Variants in COL4A2 observed in about 807,000 individuals in gnomAD.
COL4A2 encodes collagen alpha-2(IV) chain.
COL4A2 carries 99 observed loss-of-function variants against 200.2 expected under a neutral mutation model. The observed-to-expected ratio is 0.49, with a 90% confidence interval of 0.42 to 0.58. The LOEUF is 0.58. Ranked by LOEUF, COL4A2 falls within the 20% of genes least tolerant of loss-of-function variation. The probability of loss-of-function intolerance (pLI) is 0.00; values close to 1 mark genes in which losing one functional copy is unlikely to be tolerated. For synonymous variants in COL4A2, 897 were observed against 900.6 expected (o/e 1.00, Z 0.07); for missense variants, 1,950 against 2,314.1 (o/e 0.84, Z 3.23).
At chr13:110,425,144 C>T (rs555218383) in intron 6 of COL4A2, 147 bp downstream of exon 6, 132 of 903,122 alleles carry the variant, frequency 1.5e-4, no homozygotes, top group Non-Finnish European at 2.1e-4. Flanking sequence ...ATTCTCCCCG[C>T]GGAATTCAGT....
chr13:110,401,740 A>G (rs535354446), intron 4 of COL4A2, among the ~76,000 whole-genome samples: 1 of 152,328 alleles, frequency 6.6e-6, no homozygotes, highest in Admixed American at 6.5e-5. Context: ...TAACAAAAAT[A>G]CCTTAGGCTG....
intron 30 of COL4A2, among the ~76,000 whole-genome samples, chr13:110,479,073 C>T (rs149382284): frequency 2.6e-5 from 4 of 152,340 alleles, no homozygotes; most frequent in Non-Finnish European, 5.9e-5. Context: ...CCCCTATTGC[C>T]GCACTAGCCA....
At chr13:110,338,846 G>A (rs569332112) in intron 3 of COL4A2, among the ~76,000 whole-genome samples, 1 of 152,374 alleles carries the variant, frequency 6.6e-6, no homozygotes, top group African/African-American at 2.4e-5. Context: ...TGAGCCGGGA[G>A]GTCACAACGC....
intron 20 of COL4A2, among the ~76,000 whole-genome samples, chr13:110,455,361 C>G (rs1485023235): frequency 1.3e-5 from 2 of 152,164 alleles, no homozygotes; most frequent in African/African-American, 2.4e-5. Flanking sequence ...CCCTCCCGCT[C>G]CCCACTTCAG....
intron 4 of COL4A2, among the ~76,000 whole-genome samples, chr13:110,397,915 A>G (rs1205537583): frequency 6.6e-6 from 1 of 152,232 alleles, no homozygotes. Context: ...AATGATTGGA[A>G]AAGATGGGCA....
intron 4 of COL4A2, among the ~76,000 whole-genome samples, chr13:110,397,307 C>T (rs1935510943): frequency 6.6e-6 from 1 of 152,200 alleles, no homozygotes; most frequent in South Asian, 2.1e-4. Context: ...AGCCCCGGAA[C>T]CGAAGAACCC....
intron 10 of COL4A2, among the ~76,000 whole-genome samples, chr13:110,432,122 G>C (rs1359189540): frequency 6.6e-6 from 1 of 152,156 alleles, no homozygotes; most frequent in African/African-American, 2.4e-5. Context: ...GTAGACAGCC[G>C]GCAGATTCTG....
chr13:110,478,280 G>A, intron 30 of COL4A2, 116 bp downstream of exon 30: 1 of 1,052,080 alleles, frequency 9.5e-7, no homozygotes, highest in South Asian at 2.5e-5. Flanking sequence ...CTTAAGAGGT[G>A]CAGGGGTTCC....
chr13:110,424,651 A>AAAAAT (rs1555328090), intron 4 of COL4A2, 83 bp from the exon 5 acceptor site: 3 of 911,794 alleles, frequency 3.3e-6, no homozygotes, highest in Non-Finnish European at 5.0e-6. Context: ...AAAAAAAAAA[A>AAAAAT]TGTAGTTTTG....
intron 28 of COL4A2, among the ~76,000 whole-genome samples, chr13:110,471,908 G>A (rs4284503): frequency 0.49 from 74,080 of 151,772 alleles, 18,219 homozygotes; most frequent in East Asian, 0.6. Flanking sequence ...ATGCACAGCG[G>A]GGGTGGTGGT....
Position 110,465,513 on chromosome 13 carries a change from A to G in COL4A2, c.1885A>G (p.Lys629Glu), listed in dbSNP as rs763608966. 1.2e-5 allele frequency: 20 copies of G among 1,614,018 alleles called. No homozygotes were observed. In the South Asian group the frequency reaches 2.1e-4, roughly 17 times the overall value. Residue 629 changes from lysine (K) to glutamate (E), a missense_variant, in exon 25 of 48, where the codon AAA (lysine) becomes GAA (glutamate). Physicochemically the swap from Lys to Glu is moderately conservative, Grantham distance 56 (BLOSUM62 1). Around this residue, in one of 2 missense-constraint regions of COL4A2, gnomAD observed 1,385 missense variants for 1,720.5 expected, o/e 0.80. Coordinates refer to ENST00000360467, the MANE Select transcript of COL4A2 (RefSeq NM_001846.4). Reference sequence around the variant, plus strand: ...CCCAGGACTGGGCCTTCCCGGCCTCAAAGGCCAACGTGGTTTCCCTGGAGA... The same window carrying G: ...CCCAGGACTGGGCCTTCCCGGCCTCGAAGGCCAACGTGGTTTCCCTGGAGA... ...GPPGLGLPGLKGQRGFPGDAG... is the reference protein window; with the variant it reads ...GPPGLGLPGLEGQRGFPGDAG...
intron 3 of COL4A2, among the ~76,000 whole-genome samples, chr13:110,348,512 C>G (rs1446681863): frequency 1.3e-5 from 2 of 152,194 alleles, no homozygotes; most frequent in Non-Finnish European, 2.9e-5. Context: ...GCTTATATTT[C>G]CTGTTTTGAT....
intron 34 of COL4A2, among the ~76,000 whole-genome samples, chr13:110,488,296 A>G (rs1883172904): frequency 6.6e-6 from 1 of 152,222 alleles, no homozygotes; most frequent in Admixed American, 6.5e-5. Context: ...AAGTGCTGGG[A>G]TTCTAGGCCT....
chr13:110,398,423 C>G (rs775119073), intron 4 of COL4A2, among the ~76,000 whole-genome samples: 3 of 152,132 alleles, frequency 2.0e-5, no homozygotes. Context: ...CTTTGGGAGG[C>G]CAAGGTGGGT....
chr13:110,310,973 T>C (rs1223162300), intron 3 of COL4A2, among the ~76,000 whole-genome samples: 2 of 152,216 alleles, frequency 1.3e-5, no homozygotes, highest in African/African-American at 4.8e-5. Flanking sequence ...CCCAGGCCTC[T>C]TCCTCCACAC....
chr13:110,338,914 C>T (rs1007414244), intron 3 of COL4A2, among the ~76,000 whole-genome samples: 1 of 152,170 alleles, frequency 6.6e-6, no homozygotes, highest in Non-Finnish European at 1.5e-5. Flanking sequence ...TCTTAAGTAT[C>T]TGCAGGACAA....
intron 4 of COL4A2, among the ~76,000 whole-genome samples, chr13:110,402,171 C>T (rs1879394332): frequency 1.3e-5 from 2 of 152,136 alleles, no homozygotes; most frequent in Non-Finnish European, 2.9e-5. Flanking sequence ...GTCTAAAGTC[C>T]ACAGTCTCAT....
chr13:110,307,924 G>T lies in COL4A2; in HGVS notation c.21G>T (p.Ala7=), dbSNP rs1884838894. The T allele has an allele frequency of 1.2e-6, 2 of 1,612,792 alleles. No homozygotes were observed. The highest frequency in any genetic ancestry group is 1.1e-5 in the South Asian group (1 of 90,946). The change falls in exon 2 of 48, where the codon GCG becomes GCT. Residue 7 remains alanine (A), a synonymous_variant. Coordinates refer to ENST00000360467, the MANE Select transcript of COL4A2 (RefSeq NM_001846.4). The surrounding 1 kb of genome is among the most constrained non-coding windows in gnomAD (Gnocchi z 5.0). MGRDQR[A]VAGPALRRWL... is the part of the protein sequence containing the mutation. ...CCAGCATGGGGAGAGACCAGCGCGCGGTGGCCGGCCCTGCCCTACGGCGGT... is the reference window on the plus strand; with the variant it reads ...CCAGCATGGGGAGAGACCAGCGCGCTGTGGCCGGCCCTGCCCTACGGCGGT...
intron 4 of COL4A2, among the ~76,000 whole-genome samples, chr13:110,382,239 G>GT (rs562889073): frequency 2.7e-3 from 405 of 152,342 alleles, no homozygotes; most frequent in South Asian, 0.011. Context: ...TTTGAGGACA[G>GT]TTTTTTCTCA....
Sources: allele counts gnomAD v4.1 joint callset (sites outside exome capture counted in the v4.1 genomes callset), GRCh38; gene constraint gnomAD v4.1.1; regional missense constraint gnomAD v4.1.1; non-coding constraint Gnocchi (gnomAD v3.1); transcripts MANE v1.5; gene names NCBI Gene and HGNC (gene_info 2026-07-23, HGNC 2026-07-21).